CAPN9: variants seen among roughly 807,000 people sequenced by gnomAD.
The protein encoded by CAPN9 is calpain-9.
CAPN9 carries 81 observed loss-of-function variants against 92.8 expected under a neutral mutation model. The observed-to-expected ratio is 0.87, with a 90% CI of 0.73 to 1.05. The LOEUF (loss-of-function observed/expected upper bound fraction) is 1.05, where lower values mean the gene tolerates loss of function less well. Among genes scored for constraint, CAPN9 ranks in the 50% least tolerant of loss-of-function variants. The probability of loss-of-function intolerance (pLI) is 0.00; values close to 1 mark genes in which losing one functional copy is unlikely to be tolerated. For synonymous variants in CAPN9, 304 were observed against 328.0 expected, an observed-to-expected ratio of 0.93 and a Z score of 0.79; for missense variants, 848 against 866.2, an observed-to-expected ratio of 0.98 and a Z score of 0.26.
intron 8 of CAPN9, 106 bp downstream of exon 8, chr1:230,774,737 TTC>T (rs372136069): frequency 1.7e-5 from 8 of 477,424 alleles, no homozygotes; most frequent in Admixed American, 7.7e-5. Flanking sequence ...CTTTCTTTCT[TTC>T]TTTTTTTTTT....
chr1:230,762,824 C>T (rs762161396), intron 4 of CAPN9, 38 bp downstream of exon 4: 23 of 1,604,066 alleles, frequency 1.4e-5, no homozygotes, highest in Middle Eastern at 1.7e-4. Flanking sequence ...AGCCTCCCGA[C>T]AGGAGTCTCT....
chr1:230,760,642 G>A (rs1665573000), intron 3 of CAPN9, among the ~76,000 whole-genome samples: 1 of 152,188 alleles, frequency 6.6e-6, no homozygotes, highest in Non-Finnish European at 1.5e-5. Flanking sequence ...TGGGGACAGA[G>A]CCACTTTGGG....
At chr1:230,757,505 C>A (rs1164091407) in intron 2 of CAPN9, among the ~76,000 whole-genome samples, 1 of 152,034 alleles carries the variant, frequency 6.6e-6, no homozygotes, top group Non-Finnish European at 1.5e-5. Flanking sequence ...TTTTACTACA[C>A]CAAAGTACTG....
At chr1:230,777,700 G>T (rs776621958) in intron 8 of CAPN9, among the ~76,000 whole-genome samples, 6 of 140,376 alleles carry the variant, frequency 4.3e-5, no homozygotes, top group African/African-American at 9.7e-5. Flanking sequence ...CCCTGATCTT[G>T]CCAGGGACGC....
At chr1:230,761,821 C>T (rs1665663007) in intron 3 of CAPN9, among the ~76,000 whole-genome samples, 3 of 152,158 alleles carry the variant, frequency 2.0e-5, no homozygotes, top group Non-Finnish European at 1.5e-5. Flanking sequence ...TACCATGGTC[C>T]TTGACTCGTT....
chr1:230,772,083 G>T lies in CAPN9; in HGVS notation c.859G>T (p.Gly287Trp). 2 of 1,614,188 alleles carry T rather than the reference G, an allele frequency of 1.2e-6. No individual in the cohort carries two copies. The highest frequency in any genetic ancestry group is 1.6e-4 in the Middle Eastern group (1 of 6,062). ...RNPWGQVEWN[G>W]SWSDSSPEWR... ...CCCTTGGGGCCAGGTTGAGTGGAAC[G>T]GGTCGTGGAGCGACAGGTCAGTCAC... The change falls in exon 7 of 20, where the codon GGG becomes TGG. Residue 287 changes from glycine (G) to tryptophan (W), a missense_variant. By Grantham distance (184) the Gly-to-Trp change is radical (BLOSUM62 -2). Coordinates refer to ENST00000271971, the MANE Select transcript of CAPN9 (RefSeq NM_006615.3).
intron 1 of CAPN9, chr1:230,752,647 GC>G: frequency 1.0e-6 from 1 of 984,636 alleles, no homozygotes; most frequent in Non-Finnish European, 1.2e-6. Flanking sequence ...GAACAGCCCT[GC>G]CCCAGGAGCT....
rs909095869 is a variant in CAPN9, at chr1:230,790,287, C to T, written c.1657+98C>T. 2.7e-6 allele frequency: 4 copies of T among 1,474,786 alleles called. No individual in the cohort carries two copies. In the African/African-American group the frequency reaches 4.3e-5, roughly 16 times the overall value. The allele number at this position is 1,474,786 out of a possible 1,614,324, so 91.4% of individuals were successfully genotyped here. ...CCTGCTCCTCCGAGCCGCAGATCTG[C>T]TTCCCAGGGCTGATTTGTAGGTAGA... On this transcript the variant is annotated intron_variant, in intron 14 of 19. Coordinates refer to ENST00000271971, the MANE Select transcript of CAPN9 (RefSeq NM_006615.3).
At chr1:230,784,402 T>A (rs1255483957) in intron 11 of CAPN9, among the ~76,000 whole-genome samples, 1 of 152,176 alleles carries the variant, frequency 6.6e-6, no homozygotes, top group African/African-American at 2.4e-5. Context: ...CCTCCTCCCA[T>A]CACAGGCCGA....
Position 230,787,525 on chromosome 1 carries a change from C to T in CAPN9, c.1522C>T (p.Pro508Ser). 2 of 1,613,784 alleles carry T rather than the reference C, an allele frequency of 1.2e-6. No homozygotes were observed. The highest frequency in any genetic ancestry group is 1.7e-5 in the Admixed American group (1 of 59,980). ...GNVDIDLPEP[P>S]KPTPPDQETE... ...AGTTTCTTTGGCTGTTTTTTAGCCT[C>T]CAAAGCCAACTCCACCTGACCAGGA... The change falls in exon 13 of 20, where the codon CCA becomes TCA. Residue 508 changes from proline to serine, a missense_variant. Physicochemically the swap from Pro to Ser is moderately conservative, Grantham distance 74. Transcript: ENST00000271971.
Position 230,779,098 on chromosome 1 carries a change from G to C in CAPN9, c.1079G>C (p.Arg360Pro). 6.2e-7 allele frequency: 1 copy of C among 1,612,898 alleles called. No individual in the cohort carries two copies. Among genetic ancestry groups the C allele is most frequent in the Non-Finnish European group, 8.5e-7 (1 of 1,179,918 alleles). The change falls in exon 9 of 20, where the codon CGC becomes CCC. Residue 360 changes from arginine (R) to proline (P), a missense_variant. Physicochemically the swap from Arg to Pro is moderately radical, Grantham distance 103 (BLOSUM62 -2). Transcript: ENST00000271971. ...ACGGTCCATCAGGGAAGCTGGGTTC[G>C]CGGCTCCACGGCTGGGGGCTGCCGC... Reference protein sequence around the residue: ...EVTVHQGSWVRGSTAGGCRNF... With the variant: ...EVTVHQGSWVPGSTAGGCRNF...
chr1:230,768,114 G>C (rs1170000688), intron 5 of CAPN9, among the ~76,000 whole-genome samples: 2 of 151,786 alleles, frequency 1.3e-5, no homozygotes, highest in African/African-American at 4.8e-5. Context: ...AACCAAGCAT[G>C]GTGGTGTGTG....
chr1:230,791,977 A>G, intron 15 of CAPN9, 49 bp downstream of exon 15: 1 of 1,336,582 alleles, frequency 7.5e-7, no homozygotes, highest in Non-Finnish European at 1.1e-6. Context: ...CCTGGGCTTT[A>G]AGCACAGTAG....
chr1:230,782,825 T>C (rs945660548), intron 11 of CAPN9, among the ~76,000 whole-genome samples: 25 of 152,122 alleles, frequency 1.6e-4, no homozygotes, highest in African/African-American at 5.8e-4. Context: ...GAGACCAGCC[T>C]GGCCAACACA....
intron 11 of CAPN9, among the ~76,000 whole-genome samples, chr1:230,783,755 T>C (rs1279415243): frequency 6.6e-6 from 1 of 152,142 alleles, no homozygotes; most frequent in African/African-American, 2.4e-5. Flanking sequence ...TAAAGATAAC[T>C]GAAAATGTGG....
intron 3 of CAPN9, among the ~76,000 whole-genome samples, chr1:230,761,976 CAT>C (rs767583647): frequency 6.6e-6 from 1 of 152,268 alleles, no homozygotes; most frequent in Non-Finnish European, 1.5e-5. Context: ...TGAGCAAACA[CAT>C]GCTTTCACAC....
chr1:230,786,155 C>A, intron 12 of CAPN9, 138 bp downstream of exon 12: 1 of 1,566,972 alleles, frequency 6.4e-7, no homozygotes, highest in Non-Finnish European at 8.6e-7. Flanking sequence ...ATGATTCTAA[C>A]CTCCTGGAGA....
chr1:230,754,519 A>G (rs1264796194), intron 1 of CAPN9, among the ~76,000 whole-genome samples: 1 of 151,856 alleles, frequency 6.6e-6, no homozygotes, highest in Non-Finnish European at 1.5e-5. Flanking sequence ...GTAAAAAGAA[A>G]CACTGAGCAG....
intron 2 of CAPN9, among the ~76,000 whole-genome samples, chr1:230,758,067 CAA>C (rs1665369156): frequency 6.6e-6 from 1 of 152,150 alleles, no homozygotes; most frequent in South Asian, 2.1e-4. Flanking sequence ...TGCCCAGGCC[CAA>C]GAGAGAGAAA....
Sources: gnomAD v4.1 joint callset for allele counts (sites outside exome capture counted in the v4.1 genomes callset) on GRCh38, gnomAD v4.1.1 for gene constraint, MANE v1.5 for transcripts, NCBI Gene and HGNC (gene_info 2026-07-23, HGNC 2026-07-21) for gene names.